The following DNM2 variants were observed in gnomAD, a reference collection of about 807,000 sequenced individuals.
DNM2 encodes dynamin 2.
Under a neutral mutation model 99.0 loss-of-function variants are expected in DNM2, and 15 were observed. The observed-to-expected ratio is 0.15, with a 90% CI of 0.10 to 0.23. The LOEUF (loss-of-function observed/expected upper bound fraction) is 0.23, where lower values mean the gene tolerates loss of function less well. Among genes scored for constraint, DNM2 ranks in the 10% least tolerant of loss-of-function variants. The pLI, the probability that DNM2 is intolerant of heterozygous loss-of-function variation, is 1.00. For synonymous variants in DNM2, 525 were observed against 481.2 expected (o/e 1.09, Z -1.19); for missense variants, 742 against 1,189.4 (o/e 0.62, Z 5.53).
At position 10,829,029 on chromosome 19, in the gene DNM2, C is replaced by T. The variant is rs766379800; in HGVS notation, c.2059-7C>T. ...CAAGCCTGACCCTCCCCAACCCCTGCCCGCAGACGAAGGCCTTCATCCACC... is the reference window on the plus strand; with the variant it reads ...CAAGCCTGACCCTCCCCAACCCCTGTCCGCAGACGAAGGCCTTCATCCACC... On this transcript the variant is annotated splice_region_variant and splice_polypyrimidine_tract_variant and intron_variant, in intron 18 of 20. Coordinates refer to ENST00000389253, the MANE Select transcript of DNM2 (RefSeq NM_001005361.3). 6.2e-7 allele frequency: 1 copy of T among 1,611,722 alleles called. No individual in the cohort carries two copies.
intron 11 of DNM2, among the ~76,000 whole-genome samples, chr19:10,800,579 C>T (rs1026668083): frequency 6.6e-6 from 1 of 152,230 alleles, no homozygotes; most frequent in African/African-American, 2.4e-5. Flanking sequence ...ACAGATGGAG[C>T]ACCCTGGCAT....
rs564562323 is a variant in DNM2, at chr19:10,764,514, G to A, written c.235+4703G>A. Among the ~76,000 whole-genome samples the A allele has an allele frequency of 3.9e-5, 6 of 152,326 alleles. No individual in the cohort carries two copies. The East Asian group carries it at 5.8e-4, about 15-fold the overall frequency. ...CCTGCCCTCACTGGGAAGCAGCCCCGTAAACTCTGAGTGCCTGGGACTGTT... is the reference window on the plus strand; with the variant it reads ...CCTGCCCTCACTGGGAAGCAGCCCCATAAACTCTGAGTGCCTGGGACTGTT... On this transcript the variant is annotated intron_variant, in intron 2 of 20. Transcript: ENST00000389253. This position sits in a 1 kb window ranked among gnomAD's most constrained non-coding sequence, Gnocchi z 4.1.
At chr19:10,757,010 A>G (rs2070410673) in intron 1 of DNM2, among the ~76,000 whole-genome samples, 1 of 152,154 alleles carries the variant, frequency 6.6e-6, no homozygotes, top group Admixed American at 6.5e-5. Context: ...AAAGCTTAAC[A>G]TTTATTGTAA....
Position 10,783,081 on chromosome 19 carries a change from C to G in DNM2, c.810C>G (p.Asp270Glu). 6.2e-7 allele frequency: 1 copy of G among 1,613,666 alleles called. No homozygotes were observed. Among genetic ancestry groups the G allele is most frequent in the Non-Finnish European group, 8.5e-7 (1 of 1,180,050 alleles). Residue 270 changes from aspartate (D) to glutamate (E), a missense_variant, in exon 6 of 21, where the codon GAC (aspartate) becomes GAG (glutamate). Physicochemically the swap from Asp to Glu is conservative, Grantham distance 45. This residue lies in a region of DNM2 where 192 missense variants were observed against 358.9 expected (regional missense o/e 0.54). Coordinates refer to ENST00000389253, the MANE Select transcript of DNM2 (RefSeq NM_001005361.3). The stretch of plus-strand genomic sequence containing the variant: ...ACCCGGCCTACCGGCACATGGCCGA[C>G]CGCATGGGCACGCCACATCTGCAGA... ...LSHPAYRHMA[D>E]RMGTPHLQKT...
intron 11 of DNM2, 71 bp from the exon 12 acceptor site, chr19:10,802,217 A>G: frequency 1.9e-6 from 3 of 1,542,418 alleles, no homozygotes; most frequent in Non-Finnish European, 1.8e-6. Flanking sequence ...CAAGGCCAGG[A>G]AATGCTCTTG....
At chr19:10,719,393 C>G (rs2068862435) in intron 1 of DNM2, among the ~76,000 whole-genome samples, 1 of 152,002 alleles carries the variant, frequency 6.6e-6, no homozygotes. Context: ...AATTGGGGGC[C>G]CTCCTTTGGA....
chr19:10,763,991 A>G (rs2070717157), intron 2 of DNM2, among the ~76,000 whole-genome samples: 2 of 151,986 alleles, frequency 1.3e-5, no homozygotes, highest in South Asian at 4.1e-4. Flanking sequence ...ATTAAGCAGC[A>G]TAGGCACCCT....
chr19:10,825,240 A>C lies in DNM2; in HGVS notation c.2058+19A>C, dbSNP rs772912941. ...CAACAATGTGAGTGGAGAACTAAAA[A>C]TGAGAAGGAGGTAGCTGGGTGCGGT... On this transcript the variant is annotated intron_variant, in intron 18 of 20. Coordinates refer to ENST00000389253, the MANE Select transcript of DNM2 (RefSeq NM_001005361.3). 1 of 1,613,358 alleles carries C rather than the reference A, an allele frequency of 6.2e-7. No individual in the cohort carries two copies. The highest frequency in any genetic ancestry group is 8.5e-7 in the Non-Finnish European group (1 of 1,179,552).
intron 1 of DNM2, among the ~76,000 whole-genome samples, chr19:10,757,051 C>G (rs1446153252): frequency 6.6e-6 from 1 of 152,180 alleles, no homozygotes; most frequent in South Asian, 2.1e-4. Flanking sequence ...GGTGGCATTG[C>G]TCTAACAGTG....
intron 1 of DNM2, among the ~76,000 whole-genome samples, chr19:10,733,280 C>T (rs773486924): frequency 4.6e-5 from 7 of 151,198 alleles, no homozygotes; most frequent in East Asian, 1.9e-4. Context: ...CAACCTCCCC[C>T]TCTCGGGCTC....
chr19:10,821,815 G>A (rs1227229181), intron 16 of DNM2, among the ~76,000 whole-genome samples: 1 of 152,084 alleles, frequency 6.6e-6, no homozygotes, highest in East Asian at 1.9e-4. Flanking sequence ...ACAGGTGTGA[G>A]CTACTGCACC....
chr19:10,787,220 G>A (rs769267924), intron 7 of DNM2, among the ~76,000 whole-genome samples: 4 of 152,022 alleles, frequency 2.6e-5, no homozygotes, highest in Admixed American at 1.3e-4. Context: ...TGTAATCCCC[G>A]TACTTTTGGG....
At position 10,821,000 on chromosome 19, in the gene DNM2, C is replaced by T. The variant is rs2072951680; in HGVS notation, c.1781+911C>T. Among the ~76,000 whole-genome samples, 1 of 152,182 alleles carries T rather than the reference C, an allele frequency of 6.6e-6. No individual in the cohort carries two copies. Among genetic ancestry groups the T allele is most frequent in the African/African-American group, 2.4e-5 (1 of 41,452 alleles). On this transcript the variant is annotated intron_variant, in intron 16 of 20. Transcript: ENST00000389253. The surrounding 1 kb of genome is among the most constrained non-coding windows in gnomAD (Gnocchi z 4.3). ...ACGCTCATCCAGGAAGCAGGGCCCA[C>T]CTGAGTCAGGGATTAGCTGTCAGTA...
At chr19:10,722,442 C>T (rs1015461706) in intron 1 of DNM2, among the ~76,000 whole-genome samples, 1 of 152,164 alleles carries the variant, frequency 6.6e-6, no homozygotes, top group Non-Finnish European at 1.5e-5. Flanking sequence ...GAAGGAAGGC[C>T]TTAGGCATTC....
chr19:10,732,672 C>T (rs2145719625), intron 1 of DNM2, among the ~76,000 whole-genome samples: 1 of 152,034 alleles, frequency 6.6e-6, no homozygotes, highest in South Asian at 2.1e-4. Context: ...TGCATGGGAA[C>T]GACCTCTAGC....
chr19:10,753,744 C>T (rs936725595), intron 1 of DNM2, among the ~76,000 whole-genome samples: 1 of 151,476 alleles, frequency 6.6e-6, no homozygotes, highest in Admixed American at 6.6e-5. Flanking sequence ...CCAACCTCTG[C>T]CTCCTGGGTT....
In DNM2 at chr19:10,831,302, CAGAGGGGG is replaced by C; in HGVS notation, c.*256_*263del. ...TTTGGGGGATGGAGTCTCAGGGTGGCAGAGGGGGGACCAGAACCCTTGACACCATCCTG... is the reference window on the plus strand; with the variant it reads ...TTTGGGGGATGGAGTCTCAGGGTGGCGACCAGAACCCTTGACACCATCCTG... On this transcript the variant is annotated 3_prime_UTR_variant, in exon 21 of 21. Transcript: ENST00000389253. This position sits in a 1 kb window ranked among gnomAD's most constrained non-coding sequence, Gnocchi z 4.3. The C allele has an allele frequency of 7.8e-7, 1 of 1,275,562 alleles. No homozygotes were observed. 79.0% of individuals were successfully genotyped at this position (1,275,562 alleles called of 1,614,324 possible).
chr19:10,789,969 C>T (rs2071694836), intron 7 of DNM2, among the ~76,000 whole-genome samples: 1 of 152,276 alleles, frequency 6.6e-6, no homozygotes, highest in African/African-American at 2.4e-5. Flanking sequence ...TCATTTGTAA[C>T]CAGTTGCCTT....
rs57290103 is a variant in DNM2, at chr19:10,760,827, A to ATTTTTTTTTTTTTTTTTTTTTTT, written c.235+1033_235+1034insTTTTTTTTTTTTTTTTTTTTTTT. On this transcript the variant is annotated intron_variant, in intron 2 of 20. Transcript: ENST00000389253. Reference sequence around the variant, plus strand: ...GTGCACACACCACCACACCCAGCTGATTTTTTTTTTTTTTTTTGGTAGAGA... The same window carrying ATTTTTTTTTTTTTTTTTTTTTTT: ...GTGCACACACCACCACACCCAGCTGATTTTTTTTTTTTTTTTTTTTTTTTTTTTTTTTTTTTTTTTGGTAGAGA... Among the ~76,000 whole-genome samples, 14 of 41,268 alleles carry ATTTTTTTTTTTTTTTTTTTTTTT rather than the reference A, an allele frequency of 3.4e-4. 6 individuals are homozygous for ATTTTTTTTTTTTTTTTTTTTTTT. In the East Asian group the frequency reaches 4.4e-3, roughly 13 times the overall value. The allele number at this position is 41,268 out of a possible 152,430, so 27.1% of individuals were successfully genotyped here. A position where few individuals can be genotyped will look rare whatever the true frequency, so the allele number is the denominator to read the frequency against.
Sources: gnomAD v4.1 joint callset for allele counts (sites outside exome capture counted in the v4.1 genomes callset) on GRCh38, gnomAD v4.1.1 for gene constraint, gnomAD v4.1.1 regional missense constraint, Gnocchi (gnomAD v3.1) non-coding constraint, MANE v1.5 for transcripts, NCBI Gene and HGNC (gene_info 2026-07-23, HGNC 2026-07-21) for gene names.